Variants in SDK2 observed in about 807,000 individuals in gnomAD.
SDK2 encodes sidekick cell adhesion molecule 2.
A neutral mutation model predicts 253.9 loss-of-function variants in SDK2; 105 were observed. The ratio of observed to expected loss-of-function variants is 0.41; its 90% CI spans 0.35 to 0.49. The LOEUF (loss-of-function observed/expected upper bound fraction) is 0.49, where lower values mean the gene tolerates loss of function less well. Ranked by LOEUF, SDK2 falls within the 20% of genes least tolerant of loss-of-function variation. The probability of loss-of-function intolerance (pLI) is 0.06; values close to 1 mark genes in which losing one functional copy is unlikely to be tolerated. For missense variants in SDK2, 2,608 were observed against 3,003.0 expected, an observed-to-expected ratio of 0.87 and a Z score of 3.07; for synonymous variants, 1,249 against 1,234.9, an observed-to-expected ratio of 1.01 and a Z score of -0.24.
At chr17:73,583,212 C>T (rs899735681) in intron 1 of SDK2, among the ~76,000 whole-genome samples, 11 of 152,354 alleles carry the variant, frequency 7.2e-5, no homozygotes, top group Non-Finnish European at 1.3e-4. Context: ...GTCTGTCTCT[C>T]CCTGTAGTCT....
chr17:73,380,960 G>T lies in SDK2; in HGVS notation c.4706-10C>A. On this transcript the variant is annotated splice_polypyrimidine_tract_variant and intron_variant, in intron 33 of 44. Coordinates refer to ENST00000392650, the MANE Select transcript of SDK2 (RefSeq NM_001144952.2). Reference sequence around the variant, plus strand: ...CGCATGGAGTACATGGCTATGGGGTGGGGGTGCCGGGGCGGGGGCGCAGAG... The same window carrying T: ...CGCATGGAGTACATGGCTATGGGGTTGGGGTGCCGGGGCGGGGGCGCAGAG... 1 of 1,509,764 alleles carries T rather than the reference G, an allele frequency of 6.6e-7. No individual in the cohort carries two copies. The highest frequency in any genetic ancestry group is 1.2e-5 in the South Asian group (1 of 83,402). The allele number at this position is 1,509,764 out of a possible 1,614,324, so 93.5% of individuals were successfully genotyped here.
chr17:73,550,884 G>C (rs1283349423), intron 1 of SDK2, among the ~76,000 whole-genome samples: 1 of 152,146 alleles, frequency 6.6e-6, no homozygotes, highest in Non-Finnish European at 1.5e-5. Context: ...CAGGGAGCTG[G>C]AGTCATGAGC....
intron 1 of SDK2, among the ~76,000 whole-genome samples, chr17:73,522,200 C>T (rs758665297): frequency 6.6e-6 from 1 of 152,254 alleles, no homozygotes; most frequent in Non-Finnish European, 1.5e-5. Flanking sequence ...AGAGAGAAGG[C>T]AGGGCTTTGC....
chr17:73,416,026 A>G, intron 16 of SDK2, 34 bp from the exon 17 acceptor site: 1 of 1,587,086 alleles, frequency 6.3e-7, no homozygotes, highest in South Asian at 1.1e-5. Flanking sequence ...GTGGAGTCAG[A>G]GTCAGCTTCC....
intron 1 of SDK2, among the ~76,000 whole-genome samples, chr17:73,561,389 G>A (rs981183604): frequency 2.0e-5 from 3 of 152,196 alleles, no homozygotes; most frequent in African/African-American, 7.2e-5. Context: ...GAGAGAAGAC[G>A]TCAGCACAGG....
chr17:73,470,844 G>A (rs2063644572), intron 3 of SDK2, among the ~76,000 whole-genome samples: 1 of 152,188 alleles, frequency 6.6e-6, no homozygotes, highest in African/African-American at 2.4e-5. Context: ...ACCCTGTTAT[G>A]TCCCACAGTA....
At chr17:73,605,074 G>C (rs955550731) in intron 1 of SDK2, among the ~76,000 whole-genome samples, 7 of 152,202 alleles carry the variant, frequency 4.6e-5, no homozygotes, top group African/African-American at 1.7e-4. Context: ...GGGCAAGGCC[G>C]TAAGAGGGTC....
At chr17:73,411,018 A>C (rs1260366253) in intron 18 of SDK2, among the ~76,000 whole-genome samples, 1 of 152,232 alleles carries the variant, frequency 6.6e-6, no homozygotes, top group Non-Finnish European at 1.5e-5. Flanking sequence ...AATTGTTCCC[A>C]GTTCAGCTCC....
intron 1 of SDK2, among the ~76,000 whole-genome samples, chr17:73,587,372 T>C (rs1304229923): frequency 6.6e-6 from 1 of 152,192 alleles, no homozygotes; most frequent in East Asian, 1.9e-4. Flanking sequence ...CCAGCCTTGC[T>C]CCAGCTGCCA....
chr17:73,364,665 A>C (rs1390420924), intron 38 of SDK2, among the ~76,000 whole-genome samples: 1 of 152,102 alleles, frequency 6.6e-6, no homozygotes, highest in Non-Finnish European at 1.5e-5. Flanking sequence ...TCTGTCGCCC[A>C]GGCTGGAGTG....
rs764665369 is a variant in SDK2, at chr17:73,393,678, A to G, written c.3780T>C (p.Ser1260=). 4.4e-6 allele frequency: 7 copies of G among 1,597,770 alleles called. No individual in the cohort carries two copies. Among genetic ancestry groups the G allele is most frequent in the East Asian group, 4.5e-5 (2 of 44,378 alleles). ...FWLVEGNSSR[S]AQLTGLGKYV... is the part of the protein sequence containing the mutation. ...ATTTGCCCAAGCCGGTGAGCTGGGC[A>G]CTGCGAGACGAGTTGCCTTCCACCA... Residue 1260 remains serine, a synonymous_variant, in exon 27 of 45, where the codon AGT becomes AGC. Coordinates refer to ENST00000392650, the MANE Select transcript of SDK2 (RefSeq NM_001144952.2).
intron 5 of SDK2, 84 bp from the exon 6 acceptor site, chr17:73,441,007 G>A (rs750695441): frequency 9.4e-7 from 1 of 1,060,920 alleles, no homozygotes; most frequent in Non-Finnish European, 1.4e-6. Flanking sequence ...TGCCCTGGGA[G>A]GTCTTTGTCC....
At chr17:73,494,083 C>T (rs1357814443) in intron 2 of SDK2, among the ~76,000 whole-genome samples, 2 of 152,222 alleles carry the variant, frequency 1.3e-5, no homozygotes, top group Admixed American at 6.5e-5. Context: ...CTCCTGTTCC[C>T]AGGGGCCCAG....
At position 73,481,626 on chromosome 17, in the gene SDK2, A is replaced by C. The variant is rs1419851447; in HGVS notation, c.225-9408T>G. ...TAGCCGGATCCCTCACCAACGCAGG[A>C]CGGAACCATCCAATCCACTGAGGGC... On this transcript the variant is annotated intron_variant, in intron 2 of 44. Coordinates refer to ENST00000392650, the MANE Select transcript of SDK2 (RefSeq NM_001144952.2). This position sits in a 1 kb window ranked among gnomAD's most constrained non-coding sequence, Gnocchi z 4.5. Among the ~76,000 whole-genome samples the C allele has an allele frequency of 6.6e-6, 1 of 152,166 alleles. No homozygotes were observed.
chr17:73,342,275 G>A (rs2062444459), intron 44 of SDK2, among the ~76,000 whole-genome samples: 1 of 152,122 alleles, frequency 6.6e-6, no homozygotes, highest in African/African-American at 2.4e-5. Context: ...GGCTGCCCAA[G>A]ACAATGGAAA....
intron 4 of SDK2, among the ~76,000 whole-genome samples, chr17:73,448,511 C>T (rs1039860880): frequency 1.7e-4 from 26 of 152,106 alleles, no homozygotes; most frequent in Admixed American, 3.3e-4. Flanking sequence ...ACTACAGGTG[C>T]GCGCCACTAC....
In SDK2 at chr17:73,361,157, T is replaced by A. The variant is rs1198547956; in HGVS notation, c.5467+527A>T. ...TTGTCACGGCCTCCAGGGGCTTTTG[T>A]CTAAGTGCAGACTGCCAGGTCCCAC... On this transcript the variant is annotated intron_variant, in intron 39 of 44. Transcript: ENST00000392650. The surrounding 1 kb of genome is among the most constrained non-coding windows in gnomAD (Gnocchi z 4.1). 1.3e-5 allele frequency among the ~76,000 whole-genome samples: 2 copies of A among 151,912 alleles called. No individual in the cohort carries two copies. Among genetic ancestry groups the A allele is most frequent in the Admixed American group, 1.3e-4 (2 of 15,254 alleles).
chr17:73,602,772 G>A (rs1355759945), intron 1 of SDK2, among the ~76,000 whole-genome samples: 2 of 152,020 alleles, frequency 1.3e-5, no homozygotes, highest in Non-Finnish European at 2.9e-5. Context: ...TGTCACTCAG[G>A]CTGGAGTGCA....
At position 73,640,514 on chromosome 17, in the gene SDK2, G is replaced by A. The variant is rs565884031; in HGVS notation, c.64+3511C>T. ...GCAGGGACACCCCCATTCCACTCTCGAGTGGGGCTTTTGACAGCTGAGCCC... is the reference window on the plus strand; with the variant it reads ...GCAGGGACACCCCCATTCCACTCTCAAGTGGGGCTTTTGACAGCTGAGCCC... On this transcript the variant is annotated intron_variant, in intron 1 of 44. Transcript: ENST00000392650. Among the ~76,000 whole-genome samples the A allele has an allele frequency of 5.3e-5, 8 of 152,164 alleles. No individual in the cohort carries two copies. The East Asian group carries it at 7.7e-4, about 15-fold the overall frequency.
Sources: allele counts gnomAD v4.1 joint callset (sites outside exome capture counted in the v4.1 genomes callset), GRCh38; gene constraint gnomAD v4.1.1; non-coding constraint Gnocchi (gnomAD v3.1); transcripts MANE v1.5; gene names NCBI Gene and HGNC (gene_info 2026-07-23, HGNC 2026-07-21).